The following DYNC2H1 variants were observed in gnomAD, a reference collection of about 807,000 sequenced individuals.
DYNC2H1 encodes cytoplasmic dynein 2 heavy chain 1.
A neutral mutation model predicts 570.0 loss-of-function variants in DYNC2H1; 410 were observed. The observed-to-expected ratio is 0.72, with a 90% confidence interval of 0.66 to 0.78. DYNC2H1 has a LOEUF of 0.78. Among genes scored for constraint, DYNC2H1 ranks in the 30% least tolerant of loss-of-function variants. The pLI is 0.00. For missense variants in DYNC2H1, 4,865 were observed against 5,046.4 expected, an observed-to-expected ratio of 0.96 and a Z score of 1.09; for synonymous variants, 1,688 against 1,677.6, an observed-to-expected ratio of 1.01 and a Z score of -0.15.
At chr11:103,315,716 A>G (rs1287954525) in intron 79 of DYNC2H1, among the ~76,000 whole-genome samples, 2 of 151,986 alleles carry the variant, frequency 1.3e-5, no homozygotes, top group Non-Finnish European at 2.9e-5. Flanking sequence ...CTCTCCATCA[A>G]AGTTATTATC....
At chr11:103,476,192 GA>G (rs1737269123) in intron 88 of DYNC2H1, among the ~76,000 whole-genome samples, 1 of 152,120 alleles carries the variant, frequency 6.6e-6, no homozygotes, top group South Asian at 2.1e-4. Context: ...GAACAAGAGG[GA>G]AGAGATTAGT....
At chr11:103,328,785 C>T (rs1340034538) in intron 82 of DYNC2H1, among the ~76,000 whole-genome samples, 2 of 152,188 alleles carry the variant, frequency 1.3e-5, no homozygotes, top group African/African-American at 4.8e-5. Flanking sequence ...CACCACATGG[C>T]ATTCTCAACC....
intron 79 of DYNC2H1, among the ~76,000 whole-genome samples, chr11:103,315,187 T>A (rs1937752843): frequency 6.6e-6 from 1 of 152,126 alleles, no homozygotes; most frequent in Non-Finnish European, 1.5e-5. Context: ...TATCTGGCAG[T>A]TGACATATCC....
At chr11:103,173,371 G>C in intron 35 of DYNC2H1, 66 bp downstream of exon 35, 3 of 1,147,846 alleles carry the variant, frequency 2.6e-6, no homozygotes, top group Non-Finnish European at 3.5e-6. Flanking sequence ...GGTTATTAGT[G>C]ATCATTTTCA....
rs979301391 is a variant in DYNC2H1 at position 103,151,413 on chromosome 11, T to A, written c.2947-723T>A. On this transcript the variant is annotated intron_variant, in intron 20 of 88. Coordinates refer to ENST00000375735, the MANE Select transcript of DYNC2H1 (RefSeq NM_001377.3). This position sits in a 1 kb window ranked among gnomAD's most constrained non-coding sequence, Gnocchi z 4.6. ...TCAGTTATATTTGAATTTCCTTTGT[T>A]GTCTGTTTTATTATATATGCATACT... Among the ~76,000 whole-genome samples, 8 of 152,204 alleles carry A rather than the reference T, an allele frequency of 5.3e-5. No homozygotes were observed. The highest frequency in any genetic ancestry group is 1.4e-4 in the African/African-American group (6 of 41,446).
At chr11:103,234,273 G>A in intron 61 of DYNC2H1, 113 bp downstream of exon 61, 6 of 1,244,550 alleles carry the variant, frequency 4.8e-6, no homozygotes, top group Non-Finnish European at 6.5e-6. Context: ...ACCTGGCTCA[G>A]GATAAATAAT....
At chr11:103,394,232 G>C (rs1389155532) in intron 83 of DYNC2H1, among the ~76,000 whole-genome samples, 1 of 152,082 alleles carries the variant, frequency 6.6e-6, no homozygotes, top group Non-Finnish European at 1.5e-5. Context: ...AAACATGACT[G>C]TTTGGGTTTT....
intron 84 of DYNC2H1, among the ~76,000 whole-genome samples, chr11:103,426,878 A>T (rs1180267660): frequency 6.6e-6 from 1 of 152,236 alleles, no homozygotes; most frequent in Non-Finnish European, 1.5e-5. Context: ...TGAAACGAAC[A>T]ATTACTATTG....
chr11:103,131,252 A>G (rs1259322417), intron 13 of DYNC2H1, among the ~76,000 whole-genome samples: 1 of 152,176 alleles, frequency 6.6e-6, no homozygotes, highest in African/African-American at 2.4e-5. Context: ...AACTCATGAC[A>G]AAAAGGATAG....
intron 75 of DYNC2H1, among the ~76,000 whole-genome samples, chr11:103,296,684 A>G (rs543062257): frequency 6.6e-6 from 1 of 150,632 alleles, no homozygotes; most frequent in South Asian, 2.1e-4. Flanking sequence ...TTTCTTCTTC[A>G]TTTCTGCCAT....
intron 12 of DYNC2H1, among the ~76,000 whole-genome samples, chr11:103,127,805 G>C (rs1859073890): frequency 1.3e-5 from 2 of 152,120 alleles, no homozygotes; most frequent in African/African-American, 4.8e-5. Context: ...CTGTTTGCTT[G>C]GCTCTGTTCT....
chr11:103,255,627 G>C (rs1190528335), intron 67 of DYNC2H1, 93 bp downstream of exon 67: 1 of 1,330,110 alleles, frequency 7.5e-7, no homozygotes, highest in East Asian at 2.8e-5. Flanking sequence ...AGTATCTTCA[G>C]ATTTTTTTTT....
chr11:103,220,772 G>A lies in DYNC2H1; in HGVS notation c.9096G>A (p.Val3032=). The A allele has an allele frequency of 1.2e-6, 2 of 1,604,248 alleles. No individual in the cohort carries two copies. The highest frequency in any genetic ancestry group is 2.2e-5 in the East Asian group (1 of 44,612). ...TGGGTATCTTTGATACATCTTGGGTGAGCATGAAAAGGTACATTTTTCAAT... is the reference window on the plus strand; with the variant it reads ...TGGGTATCTTTGATACATCTTGGGTAAGCATGAAAAGGTACATTTTTCAAT... ...RLMGIFDTSW[V]SMKSFLAKRG... Residue 3032 remains valine, a synonymous_variant, in exon 57 of 89, where the codon GTG becomes GTA. Coordinates refer to ENST00000375735, the MANE Select transcript of DYNC2H1 (RefSeq NM_001377.3).
At chr11:103,318,764 A>G (rs1938002261) in intron 80 of DYNC2H1, among the ~76,000 whole-genome samples, 1 of 152,188 alleles carries the variant, frequency 6.6e-6, no homozygotes, top group South Asian at 2.1e-4. Flanking sequence ...AAAAGTACAC[A>G]TAAATGTACA....
rs537823390 is a variant in DYNC2H1 at position 103,199,618 on chromosome 11, G to A, written c.8088+142G>A. The A allele has an allele frequency of 1.2e-5, 9 of 745,578 alleles. No individual in the cohort carries two copies. Among genetic ancestry groups the A allele is most frequent in the Admixed American group, 1.1e-4 (3 of 26,498 alleles). 46.2% of individuals were successfully genotyped at this position (745,578 alleles called of 1,614,324 possible). On this transcript the variant is annotated intron_variant, in intron 49 of 88. Coordinates refer to ENST00000375735, the MANE Select transcript of DYNC2H1 (RefSeq NM_001377.3). The surrounding 1 kb of genome is among the most constrained non-coding windows in gnomAD (Gnocchi z 4.6). ...GAACTAAAGTTCTCTGTTATACAAT[G>A]TAGTCTTTATTTTAATTTAGATTAT...
chr11:103,307,389 G>A (rs767322637), intron 77 of DYNC2H1, among the ~76,000 whole-genome samples: 6 of 152,084 alleles, frequency 3.9e-5, no homozygotes, highest in Non-Finnish European at 5.9e-5. Context: ...ATCAGGCACT[G>A]TTTTAGTGTC....
At position 103,299,552 on chromosome 11, in the gene DYNC2H1, G is replaced by T. The variant is rs1259299020; in HGVS notation, c.11096-3541G>T. Among the ~76,000 whole-genome samples, 2 of 152,022 alleles carry T rather than the reference G, an allele frequency of 1.3e-5. No individual in the cohort carries two copies. The highest frequency in any genetic ancestry group is 2.9e-5 in the Non-Finnish European group (2 of 67,982). ...CATTCTCAGCTTTTGGATGCCAGTTGGTATCTAGCCTTCCTCCATCCTTAA... is the reference window on the plus strand; with the variant it reads ...CATTCTCAGCTTTTGGATGCCAGTTTGTATCTAGCCTTCCTCCATCCTTAA... On this transcript the variant is annotated intron_variant, in intron 75 of 88. Transcript: ENST00000375735. The surrounding 1 kb of genome is among the most constrained non-coding windows in gnomAD (Gnocchi z 4.5).
At chr11:103,221,755 C>T (rs1863597600) in intron 57 of DYNC2H1, among the ~76,000 whole-genome samples, 1 of 152,128 alleles carries the variant, frequency 6.6e-6, no homozygotes. Flanking sequence ...ACTTGGGAGG[C>T]TGAGCTGGGA....
intron 47 of DYNC2H1, among the ~76,000 whole-genome samples, chr11:103,192,838 G>A (rs1862369926): frequency 6.6e-6 from 1 of 151,932 alleles, no homozygotes; most frequent in Non-Finnish European, 1.5e-5. Context: ...CTTGTGAGAG[G>A]GCCTTTCATT....
Sources: allele counts gnomAD v4.1 joint callset (sites outside exome capture counted in the v4.1 genomes callset), GRCh38; gene constraint gnomAD v4.1.1; non-coding constraint Gnocchi (gnomAD v3.1); transcripts MANE v1.5; gene names NCBI Gene and HGNC (gene_info 2026-07-23, HGNC 2026-07-21).